The following PKIB variants were observed in gnomAD, a reference collection of about 807,000 sequenced individuals.
PKIB encodes cAMP-dependent protein kinase inhibitor beta.
A neutral mutation model predicts 4.5 loss-of-function variants in PKIB; 2 were observed. The observed-to-expected ratio is 0.44, with a 90% CI of 0.18 to 1.39. PKIB has a LOEUF of 1.39. PKIB is among the 40% of genes most tolerant of loss of function. The probability of loss-of-function intolerance (pLI) is 0.27; values close to 1 mark genes in which losing one functional copy is unlikely to be tolerated. For synonymous variants in PKIB, 38 were observed against 36.0 expected (o/e 1.06, Z -0.20); for missense variants, 94 against 92.6 (o/e 1.02, Z -0.06).
chr6:122,631,727 T>C (rs1185810678), intron 1 of PKIB, among the ~76,000 whole-genome samples: 1 of 152,190 alleles, frequency 6.6e-6, no homozygotes, highest in East Asian at 1.9e-4. Flanking sequence ...GATAAATAGA[T>C]GAGTTGAAAC....
intron 2 of PKIB, chr6:122,531,258 T>A (rs1295680667): frequency 6.6e-6 from 1 of 152,164 alleles, no homozygotes; most frequent in Non-Finnish European, 1.5e-5. Flanking sequence ...CCCCGTCATG[T>A]CCACATGTGC....
chr6:122,571,558 G>A (rs1296738105), intron 2 of PKIB, among the ~76,000 whole-genome samples: 1 of 152,224 alleles, frequency 6.6e-6, no homozygotes, highest in Non-Finnish European at 1.5e-5. Context: ...TTTCTCAGCA[G>A]AAACCTTACA....
chr6:122,528,102 T>C (rs1777148163), intron 2 of PKIB, among the ~76,000 whole-genome samples: 4 of 152,180 alleles, frequency 2.6e-5, no homozygotes. Context: ...TCTGGAAAAG[T>C]TACTCTTTTA....
chr6:122,690,439 G>A (rs1778283006), intron 3 of PKIB, among the ~76,000 whole-genome samples: 1 of 151,812 alleles, frequency 6.6e-6, no homozygotes, highest in Non-Finnish European at 1.5e-5. Context: ...GTTACCATGA[G>A]GATTGCAAAT....
intron 2 of PKIB, chr6:122,643,828 C>T (rs536097015): frequency 6.6e-6 from 1 of 152,212 alleles, no homozygotes; most frequent in South Asian, 2.1e-4. Context: ...TTAAAAGCTG[C>T]ACATAGACTG....
At chr6:122,507,777 C>CCCGTGTAATAACTTTTCCTCTTTT (rs1776458184) in intron 2 of PKIB, among the ~76,000 whole-genome samples, 1 of 150,800 alleles carries the variant, frequency 6.6e-6, no homozygotes, top group African/African-American at 2.4e-5. Context: ...AACCCTCTTT[C>CCCGTGTAATAACTTTTCCTCTTTT]CCGTGTAATA....
intron 2 of PKIB, among the ~76,000 whole-genome samples, chr6:122,537,412 C>CGGTTTTTTGTGAGAACATTTT (rs1208897365): frequency 6.6e-5 from 10 of 151,886 alleles, no homozygotes; most frequent in Non-Finnish European, 1.3e-4. Flanking sequence ...TGAGAACATG[C>CGGTTTTTTGTGAGAACATTTT]GGTTTTTTGT....
intron 2 of PKIB, among the ~76,000 whole-genome samples, chr6:122,656,193 CT>C (rs1221025016): frequency 6.6e-6 from 1 of 152,092 alleles, no homozygotes; most frequent in African/African-American, 2.4e-5. Context: ...GACCAGATGA[CT>C]TTTTGTCTCC....
In PKIB at chr6:122,584,206, T is replaced by C. The variant is rs372282095; in HGVS notation, c.-247-1715T>C. ...GGAGAATGTAAAAATGGTTAAGTTA[T>C]TAAGCATGCACAAGATCTCAGGATA... On this transcript the variant is annotated intron_variant, in intron 2 of 6. Coordinates refer to the PKIB transcript ENST00000392491. Among the ~76,000 whole-genome samples the C allele has an allele frequency of 3.3e-5, 5 of 152,100 alleles. No homozygotes were observed. The East Asian group carries it at 5.8e-4, about 18-fold the overall frequency.
chr6:122,588,251 G>A (rs767064387), intron 3 of PKIB, among the ~76,000 whole-genome samples: 40 of 152,112 alleles, frequency 2.6e-4, no homozygotes, highest in Non-Finnish European at 4.9e-4. Context: ...TGGCTAGCCA[G>A]TTTTCCCAGC....
At chr6:122,576,689 A>AAAAATATATAT (rs1345822382) in intron 2 of PKIB, among the ~76,000 whole-genome samples, 40 of 34,316 alleles carry the variant, frequency 1.2e-3, no homozygotes, top group South Asian at 1.7e-3. Context: ...AAAAAAAAAA[A>AAAAATATATAT]ATATATATAT....
intron 2 of PKIB, among the ~76,000 whole-genome samples, chr6:122,583,067 T>G (rs543277164): frequency 1.3e-5 from 2 of 152,046 alleles, no homozygotes; most frequent in African/African-American, 4.8e-5. Context: ...ATACCCCAAG[T>G]GTTTTCTTTC....
intron 1 of PKIB, among the ~76,000 whole-genome samples, chr6:122,612,887 A>T (rs1271294702): frequency 6.6e-6 from 1 of 152,134 alleles, no homozygotes; most frequent in African/African-American, 2.4e-5. Flanking sequence ...TGTAGAAGTT[A>T]TATATATAAA....
chr6:122,500,095 A>G (rs1776185286), intron 2 of PKIB, among the ~76,000 whole-genome samples: 1 of 152,222 alleles, frequency 6.6e-6, no homozygotes, highest in Non-Finnish European at 1.5e-5. Context: ...GATTGGAAGA[A>G]TCATATTATT....
At chr6:122,561,004 A>G (rs749578490) in intron 2 of PKIB, among the ~76,000 whole-genome samples, 13 of 151,222 alleles carry the variant, frequency 8.6e-5, no homozygotes, top group Non-Finnish European at 1.3e-4. Context: ...TTTTTGTTTC[A>G]TTTATCTTTT....
chr6:122,673,671 G>C (rs1288866637), intron 2 of PKIB, among the ~76,000 whole-genome samples: 1 of 152,138 alleles, frequency 6.6e-6, no homozygotes, highest in Non-Finnish European at 1.5e-5. Flanking sequence ...GCAGCTCCAA[G>C]TCTGAAAAAC....
intron 2 of PKIB, among the ~76,000 whole-genome samples, chr6:122,489,492 G>T (rs768465603): frequency 3.3e-5 from 5 of 152,214 alleles, no homozygotes; most frequent in African/African-American, 1.2e-4. Context: ...AAGTGATTCA[G>T]CTGCCTCAGC....
intron 2 of PKIB, among the ~76,000 whole-genome samples, chr6:122,530,705 C>T (rs1315137984): frequency 6.6e-6 from 1 of 152,182 alleles, no homozygotes; most frequent in Non-Finnish European, 1.5e-5. Context: ...TTTTCAGCAG[C>T]TTCTAAACTC....
Position 122,565,432 on chromosome 6 carries a change from A to T in PKIB, c.-247-20489A>T, listed in dbSNP as rs147795453. ...GTTATTTGAATCTCAGCTGTCTCAG[A>T]TTGTTAGATGCAGATATAAATCAAG... On this transcript the variant is annotated intron_variant, in intron 2 of 6. Transcript: ENST00000392491. Among the ~76,000 whole-genome samples, 399 of 152,242 alleles carry T rather than the reference A, an allele frequency of 2.6e-3. 1 individual carries two copies. Among genetic ancestry groups the T allele is most frequent in the African/African-American group, 9.1e-3 (379 of 41,542 alleles).
Sources: gnomAD v4.1 joint callset for allele counts (sites outside exome capture counted in the v4.1 genomes callset) on GRCh38, gnomAD v4.1.1 for gene constraint, MANE v1.5 for transcripts, NCBI Gene and HGNC (gene_info 2026-07-23, HGNC 2026-07-21) for gene names.